The following ADGRL4 variants were observed in gnomAD, a reference collection of about 807,000 sequenced individuals.
ADGRL4 encodes the protein EGF, latrophilin and seven transmembrane domain containing 1.
A neutral mutation model predicts 74.8 loss-of-function variants in ADGRL4; 90 were observed. The observed-to-expected ratio is 1.20, with a 90% CI of 1.02 to 1.43. The LOEUF (loss-of-function observed/expected upper bound fraction) is 1.43, where lower values mean the gene tolerates loss of function less well. ADGRL4 is among the 40% of genes most tolerant of loss of function. ADGRL4 has a pLI of 0.00. For missense variants in ADGRL4, 881 were observed against 814.3 expected (o/e 1.08, Z -1.00); for synonymous variants, 311 against 279.2 (o/e 1.11, Z -1.14).
chr1:79,000,901 A>T (rs1650826311), intron 2 of ADGRL4, among the ~76,000 whole-genome samples: 1 of 152,114 alleles, frequency 6.6e-6, no homozygotes, highest in Non-Finnish European at 1.5e-5. Context: ...ATACTTTTTC[A>T]AGTTTGCTGT....
chr1:78,895,944 A>G (rs2100650749), intron 12 of ADGRL4, among the ~76,000 whole-genome samples: 1 of 152,238 alleles, frequency 6.6e-6, no homozygotes, highest in South Asian at 2.1e-4. Flanking sequence ...ACATAGTTTC[A>G]TGAAAGAACA....
chr1:78,945,901 G>T (rs992505466), intron 3 of ADGRL4, among the ~76,000 whole-genome samples: 8 of 151,812 alleles, frequency 5.3e-5, no homozygotes, highest in Non-Finnish European at 8.8e-5. Flanking sequence ...ATTTACAAAG[G>T]CCTCAGTATC....
At chr1:78,916,333 A>G (rs1648872848) in intron 12 of ADGRL4, among the ~76,000 whole-genome samples, 1 of 151,896 alleles carries the variant, frequency 6.6e-6, no homozygotes, top group African/African-American at 2.4e-5. Flanking sequence ...AACAATGGCA[A>G]AGATGGATTT....
intron 2 of ADGRL4, among the ~76,000 whole-genome samples, chr1:78,947,104 T>C (rs1020057172): frequency 2.6e-5 from 4 of 152,204 alleles, no homozygotes; most frequent in East Asian, 3.8e-4. Context: ...ATAAATTGAT[T>C]GGAAAATATG....
intron 2 of ADGRL4, among the ~76,000 whole-genome samples, chr1:78,983,933 C>T (rs1224222231): frequency 6.6e-6 from 1 of 151,650 alleles, no homozygotes; most frequent in Non-Finnish European, 1.5e-5. Flanking sequence ...ACTCAGATAG[C>T]CATCTTCAGA....
intron 2 of ADGRL4, among the ~76,000 whole-genome samples, chr1:78,985,524 C>G (rs1331903242): frequency 2.6e-5 from 4 of 151,742 alleles, no homozygotes; most frequent in African/African-American, 9.7e-5. Flanking sequence ...TGTTGTTACA[C>G]AATTGGTATA....
chr1:78,990,012 T>A (rs1650574569), intron 2 of ADGRL4, among the ~76,000 whole-genome samples: 1 of 151,908 alleles, frequency 6.6e-6, no homozygotes, highest in Non-Finnish European at 1.5e-5. Context: ...TACTTCCCAT[T>A]GATTATCAGG....
intron 2 of ADGRL4, among the ~76,000 whole-genome samples, chr1:78,996,078 C>T (rs1473604097): frequency 1.3e-5 from 2 of 151,762 alleles, no homozygotes; most frequent in African/African-American, 4.8e-5. Context: ...AATAAATTTC[C>T]CTTTACTTTA....
intron 7 of ADGRL4, among the ~76,000 whole-genome samples, chr1:78,929,481 AC>A (rs2100679887): frequency 6.6e-6 from 1 of 151,584 alleles, no homozygotes; most frequent in Non-Finnish European, 1.5e-5. Context: ...ATGTCACTGT[AC>A]TTTAGCCTGG....
At chr1:78,892,505 A>G (rs895676608) in intron 13 of ADGRL4, among the ~76,000 whole-genome samples, 11 of 152,128 alleles carry the variant, frequency 7.2e-5, no homozygotes, top group Admixed American at 7.2e-4. Context: ...CAACTTTATT[A>G]AAACCAGTAC....
At chr1:78,971,648 C>G (rs559367035) in intron 2 of ADGRL4, among the ~76,000 whole-genome samples, 1 of 152,182 alleles carries the variant, frequency 6.6e-6, no homozygotes, top group Non-Finnish European at 1.5e-5. Flanking sequence ...GGCAAAGATC[C>G]GGCTCCCAGC....
At chr1:78,921,549 G>A (rs1457152306) in intron 9 of ADGRL4, 64 bp downstream of exon 9, 12 of 1,035,292 alleles carry the variant, frequency 1.2e-5, no homozygotes, top group Admixed American at 6.0e-5. Flanking sequence ...ATATTGTCTC[G>A]AATGATGCGG....
At chr1:78,931,692 T>C (rs530550056) in intron 7 of ADGRL4, among the ~76,000 whole-genome samples, 2 of 151,140 alleles carry the variant, frequency 1.3e-5, no homozygotes, top group African/African-American at 4.9e-5. Flanking sequence ...ACCCATATCA[T>C]GTGCAAAGAC....
At chr1:79,001,430 GA>G (rs1440946971) in intron 2 of ADGRL4, among the ~76,000 whole-genome samples, 1 of 151,826 alleles carries the variant, frequency 6.6e-6, no homozygotes, top group African/African-American at 2.4e-5. Context: ...AAAAAAGAAA[GA>G]AAGAAAGAAA....
chr1:78,947,725 G>A (rs1239105857), intron 2 of ADGRL4, among the ~76,000 whole-genome samples: 1 of 152,124 alleles, frequency 6.6e-6, no homozygotes, highest in Non-Finnish European at 1.5e-5. Context: ...CAAAGTTGCA[G>A]GCAGAAAAGT....
intron 9 of ADGRL4, among the ~76,000 whole-genome samples, chr1:78,921,011 G>A (rs1037216711): frequency 7.9e-5 from 12 of 151,556 alleles, no homozygotes; most frequent in Middle Eastern, 6.9e-3. Context: ...TTTAATGATA[G>A]ATTATAAATA....
Position 79,005,217 on chromosome 1 carries a change from C to T in ADGRL4, c.25G>A (p.Val9Ile), listed in dbSNP as rs547554975. MKRLPLLV[V>I]FSTLLNCSYT... is the part of the protein sequence containing the mutation. ...GAACAATTCAACAAAGTGGAAAAAA[C>T]CACTAAATAAAATAGAGAAATACAC... Residue 9 changes from valine to isoleucine, a missense_variant and splice_region_variant, in exon 2 of 15, where the codon GTT (valine) becomes ATT (isoleucine). Coordinates refer to ENST00000370742, the MANE Select transcript of ADGRL4 (RefSeq NM_022159.4). 9 of 1,601,112 alleles carry T rather than the reference C, an allele frequency of 5.6e-6. No individual in the cohort carries two copies. In the South Asian group the frequency reaches 9.1e-5, roughly 16 times the overall value.
chr1:78,932,961 C>T (rs190427879), intron 7 of ADGRL4, among the ~76,000 whole-genome samples: 1 of 151,450 alleles, frequency 6.6e-6, no homozygotes, highest in East Asian at 1.9e-4. Flanking sequence ...AAGCCCAGAG[C>T]CAGACTGATT....
At chr1:78,894,000 T>C (rs191947736) in intron 12 of ADGRL4, among the ~76,000 whole-genome samples, 1 of 151,910 alleles carries the variant, frequency 6.6e-6, no homozygotes, top group African/African-American at 2.4e-5. Context: ...AATATGAGCA[T>C]GCCAATAATT....
Sources: gnomAD v4.1 joint callset for allele counts (sites outside exome capture counted in the v4.1 genomes callset) on GRCh38, gnomAD v4.1.1 for gene constraint, MANE v1.5 for transcripts, NCBI Gene and HGNC (gene_info 2026-07-23, HGNC 2026-07-21) for gene names.